ZRANB3: variants seen among roughly 807,000 people sequenced by gnomAD.
The protein encoded by ZRANB3 is DNA annealing helicase and endonuclease ZRANB3.
In ZRANB3, 125 loss-of-function variants were observed where a neutral mutation model predicts 133.8. The observed-to-expected ratio is 0.93, with a 90% CI of 0.81 to 1.08. The LOEUF (loss-of-function observed/expected upper bound fraction) is 1.08. ZRANB3 is among the 50% of genes least tolerant of loss of function. The probability of loss-of-function intolerance (pLI) is 0.00; values close to 1 mark genes in which losing one functional copy is unlikely to be tolerated. For synonymous variants in ZRANB3, 387 were observed against 432.7 expected (o/e 0.89, Z 1.31); for missense variants, 1,229 against 1,275.5 (o/e 0.96, Z 0.56).
At chr2:135,380,306 AG>A (rs1410145198) in intron 3 of ZRANB3, among the ~76,000 whole-genome samples, 1 of 152,222 alleles carries the variant, frequency 6.6e-6, no homozygotes, top group East Asian at 1.9e-4. Flanking sequence ...CTCTGCACCA[AG>A]CGGACCTAAT....
chr2:135,403,052 C>A (rs1687814385), intron 2 of ZRANB3, among the ~76,000 whole-genome samples: 1 of 152,166 alleles, frequency 6.6e-6, no homozygotes, highest in African/African-American at 2.4e-5. Context: ...GTGATTTCTG[C>A]ATTTCCAACT....
At chr2:135,227,122 A>G (rs1694786064) in intron 14 of ZRANB3, among the ~76,000 whole-genome samples, 1 of 152,258 alleles carries the variant, frequency 6.6e-6, no homozygotes, top group Admixed American at 6.5e-5. Context: ...AAGAATATCA[A>G]TCTGTATGTT....
At chr2:135,496,421 G>A (rs1359662708) in intron 2 of ZRANB3, among the ~76,000 whole-genome samples, 3 of 116,368 alleles carry the variant, frequency 2.6e-5, no homozygotes, top group Non-Finnish European at 5.3e-5. Context: ...AACGAAATCC[G>A]CAGATTAAGA....
At chr2:135,351,781 A>G (rs1442736746) in intron 4 of ZRANB3, among the ~76,000 whole-genome samples, 2 of 152,160 alleles carry the variant, frequency 1.3e-5, no homozygotes, top group South Asian at 2.1e-4. Flanking sequence ...ACATATTGGT[A>G]TACACCTAAA....
At chr2:135,370,538 A>G (rs542188837) in intron 3 of ZRANB3, among the ~76,000 whole-genome samples, 1 of 152,144 alleles carries the variant, frequency 6.6e-6, no homozygotes, top group Non-Finnish European at 1.5e-5. Flanking sequence ...AGAACTTACC[A>G]AACAGAAGAC....
intron 2 of ZRANB3, among the ~76,000 whole-genome samples, chr2:135,398,781 C>T (rs905822795): frequency 4.6e-5 from 7 of 152,094 alleles, no homozygotes; most frequent in Non-Finnish European, 1.0e-4. Flanking sequence ...CCCCGGCCTC[C>T]CAAAGTGCTG....
chr2:135,329,340 G>A (rs1684017906), intron 6 of ZRANB3, among the ~76,000 whole-genome samples: 1 of 152,046 alleles, frequency 6.6e-6, no homozygotes, highest in Admixed American at 6.6e-5. Context: ...ATTTGTTTTT[G>A]TTGGGTTTGT....
intron 8 of ZRANB3, among the ~76,000 whole-genome samples, chr2:135,278,158 C>T (rs1243045217): frequency 6.6e-6 from 1 of 151,668 alleles, no homozygotes; most frequent in East Asian, 1.9e-4. Context: ...GAAAATAGAC[C>T]CAGAACGAGG....
chr2:135,418,460 T>A (rs1368602848), intron 2 of ZRANB3, among the ~76,000 whole-genome samples: 4 of 152,318 alleles, frequency 2.6e-5, no homozygotes, highest in South Asian at 2.1e-4. Flanking sequence ...GGTTTTTTTT[T>A]AAAATCTAGG....
chr2:135,510,836 C>T, intron 1 of ZRANB3: 2 of 872,850 alleles, frequency 2.3e-6, no homozygotes, highest in South Asian at 1.3e-5. Flanking sequence ...TGTTAATGTG[C>T]AACTCCACCA....
chr2:135,499,283 A>AT (rs1383957028), intron 2 of ZRANB3, among the ~76,000 whole-genome samples: 1 of 152,220 alleles, frequency 6.6e-6, no homozygotes, highest in Non-Finnish European at 1.5e-5. Flanking sequence ...GTAGACAAAG[A>AT]TTTTTAAAAT....
chr2:135,331,140 T>C (rs1428318846), intron 6 of ZRANB3, among the ~76,000 whole-genome samples: 4 of 152,230 alleles, frequency 2.6e-5, no homozygotes, highest in African/African-American at 4.8e-5. Context: ...TCTAGTTCTT[T>C]TAACTGTGAT....
At chr2:135,232,840 G>A (rs1695097031) in intron 12 of ZRANB3, among the ~76,000 whole-genome samples, 1 of 152,108 alleles carries the variant, frequency 6.6e-6, no homozygotes, top group Admixed American at 6.5e-5. Context: ...CACAAAGATG[G>A]GGAAAAAACA....
chr2:135,481,390 T>G (rs530329488), intron 2 of ZRANB3, among the ~76,000 whole-genome samples: 32 of 152,262 alleles, frequency 2.1e-4, no homozygotes, highest in South Asian at 2.1e-3. Flanking sequence ...TTTTCATGTG[T>G]TTTTTGGCTA....
chr2:135,468,533 A>G (rs952923372), intron 2 of ZRANB3, among the ~76,000 whole-genome samples: 2 of 152,218 alleles, frequency 1.3e-5, no homozygotes, highest in African/African-American at 4.8e-5. Flanking sequence ...GCATTTCTTA[A>G]AGACAAGACA....
At chr2:135,512,868 G>A (rs1324134014) in intron 1 of ZRANB3, among the ~76,000 whole-genome samples, 1 of 152,022 alleles carries the variant, frequency 6.6e-6, no homozygotes, top group Admixed American at 6.5e-5. Context: ...TATAACCACA[G>A]TGGAAAAGTT....
chr2:135,255,003 G>T (rs1385855311), intron 12 of ZRANB3, among the ~76,000 whole-genome samples: 1 of 151,858 alleles, frequency 6.6e-6, no homozygotes, highest in Non-Finnish European at 1.5e-5. Flanking sequence ...TGCCTGCCTC[G>T]GCCTCCCAAA....
chr2:135,519,333 C>A (rs555869046), intron 1 of ZRANB3, among the ~76,000 whole-genome samples: 1 of 152,202 alleles, frequency 6.6e-6, no homozygotes, highest in South Asian at 2.1e-4. Flanking sequence ...AAAGTATGAT[C>A]TTTTTTAGAT....
At chr2:135,334,594 T>TTTTAA (rs1215236856) in intron 6 of ZRANB3, among the ~76,000 whole-genome samples, 1 of 152,068 alleles carries the variant, frequency 6.6e-6, no homozygotes, top group African/African-American at 2.4e-5. Context: ...AGACATTTTT[T>TTTTAA]TTTAATTTAA....
Sources: gnomAD v4.1 joint callset for allele counts (sites outside exome capture counted in the v4.1 genomes callset) on GRCh38, gnomAD v4.1.1 for gene constraint, MANE v1.5 for transcripts, NCBI Gene and HGNC (gene_info 2026-07-23, HGNC 2026-07-21) for gene names.